Variants in SLC18A1 observed in about 807,000 individuals in gnomAD.
SLC18A1 encodes the protein chromaffin granule amine transporter.
SLC18A1 carries 69 observed loss-of-function variants against 53.7 expected under a neutral mutation model. The observed-to-expected ratio is 1.28, with a 90% CI of 1.06 to 1.57. The LOEUF is 1.57. SLC18A1 is among the 40% of genes most tolerant of loss of function. The pLI, the probability that SLC18A1 is intolerant of heterozygous loss-of-function variation, is 0.00. For missense variants in SLC18A1, 932 were observed against 668.1 expected, an observed-to-expected ratio of 1.40 and a Z score of -4.35; for synonymous variants, 320 against 248.1, an observed-to-expected ratio of 1.29 and a Z score of -2.72.
At chr8:20,178,722 T>G (rs2279709) in intron 3 of SLC18A1, among the ~76,000 whole-genome samples, 77,430 of 151,952 alleles carry the variant, frequency 0.51, 20,233 homozygotes, top group Non-Finnish European at 0.57. Flanking sequence ...TTTCCAGAAA[T>G]GATAGCCTAG....
In SLC18A1 at chr8:20,167,418, G is replaced by T. The variant is rs925926498; in HGVS notation, c.859-2311C>A. 2.6e-5 allele frequency among the ~76,000 whole-genome samples: 4 copies of T among 151,972 alleles called. No individual in the cohort carries two copies. The East Asian group carries it at 7.8e-4, about 30-fold the overall frequency. ...GGTGTTTCACCTATTTGTATAATAG[G>T]GGGAGACAAATTTCTTACTTTGAAA... On this transcript the variant is annotated intron_variant, in intron 8 of 15. Transcript: ENST00000276373.
Position 20,179,418 on chromosome 8 carries a change from C to T in SLC18A1, c.191G>A (p.Gly64Asp). 3 of 1,614,004 alleles carry T rather than the reference C, an allele frequency of 1.9e-6. No individual in the cohort carries two copies. Among genetic ancestry groups the T allele is most frequent in the Non-Finnish European group, 2.5e-6 (3 of 1,180,022 alleles). Residue 64 changes from glycine (G) to aspartate (D), a missense_variant, in exon 3 of 16, where the codon GGC becomes GAC. Gly to Asp is a moderately conservative substitution (Grantham distance 94, BLOSUM62 -1). Transcript: ENST00000276373. ...FKEVNSSLHL[G>D]HAGSSPHALA... ...GGCATGTGGGGAACTTCCGGCATGG[C>T]CGAGGTGCAGAGAAGAGTTGACTTC...
In SLC18A1 at chr8:20,165,036, C is replaced by T. The variant is rs369841458; in HGVS notation, c.919+11G>A. The T allele has an allele frequency of 2.5e-5, 41 of 1,613,958 alleles. No individual in the cohort carries two copies. The highest frequency in any genetic ancestry group is 5.3e-5 in the African/African-American group (4 of 74,888). ...CACTCCCCGCCCAATGGGAGGTCAT[C>T]GCCAGCTTACCTGCAGCCACCAGGA... is the stretch of plus-strand genomic sequence containing the variant. On this transcript the variant is annotated intron_variant, in intron 9 of 15. Transcript: ENST00000276373.
intron 10 of SLC18A1, among the ~76,000 whole-genome samples, chr8:20,155,712 C>G (rs1384555621): frequency 1.3e-5 from 2 of 152,178 alleles, no homozygotes; most frequent in Non-Finnish European, 2.9e-5. Flanking sequence ...CTCCTAGGTA[C>G]TAATGCTTCA....
chr8:20,173,491 C>T (rs2072178485), intron 5 of SLC18A1, among the ~76,000 whole-genome samples: 2 of 152,126 alleles, frequency 1.3e-5, no homozygotes, highest in African/African-American at 2.4e-5. Context: ...CACACAGAGA[C>T]CATTCTATTT....
chr8:20,170,484 C>T (rs2128877056), intron 8 of SLC18A1, among the ~76,000 whole-genome samples: 1 of 152,286 alleles, frequency 6.6e-6, no homozygotes, highest in South Asian at 2.1e-4. Context: ...TTAGATCAAA[C>T]ATTTTTACAC....
chr8:20,156,530 T>C (rs2071686205), intron 10 of SLC18A1, among the ~76,000 whole-genome samples: 1 of 152,206 alleles, frequency 6.6e-6, no homozygotes, highest in Non-Finnish European at 1.5e-5. Context: ...GAAACTCTTG[T>C]AGAAGCAGAG....
chr8:20,164,819 C>A, intron 10 of SLC18A1, 50 bp downstream of exon 10: 3 of 1,430,456 alleles, frequency 2.1e-6, no homozygotes, highest in Non-Finnish European at 2.9e-6. Context: ...GGACTCATGG[C>A]ACCCACCTCC....
At chr8:20,174,213 C>G in intron 5 of SLC18A1, 148 bp downstream of exon 5, 1 of 683,612 alleles carries the variant, frequency 1.5e-6, no homozygotes, top group Non-Finnish European at 2.6e-6. Flanking sequence ...GTGCCCAGCC[C>G]AATTCCCTTA....
chr8:20,155,552 T>C (rs180948486), intron 10 of SLC18A1, among the ~76,000 whole-genome samples: 275 of 152,334 alleles, frequency 1.8e-3, no homozygotes, highest in African/African-American at 6.1e-3. Context: ...AAGATCATGA[T>C]GCAACCAGAA....
At chr8:20,150,014 T>C (rs2071510129) in intron 11 of SLC18A1, among the ~76,000 whole-genome samples, 2 of 152,182 alleles carry the variant, frequency 1.3e-5, no homozygotes. Context: ...GAGGCACTTG[T>C]TCCTTAGAAG....
At position 20,179,324 on chromosome 8, in the gene SLC18A1, G is replaced by A. The variant is rs747537218; in HGVS notation, c.285C>T (p.Ser95=). 5.0e-6 allele frequency: 8 copies of A among 1,614,074 alleles called. No individual in the cohort carries two copies. Among genetic ancestry groups the A allele is most frequent in the East Asian group, 2.2e-5 (1 of 44,884 alleles). Reference sequence around the variant, plus strand: ...TCATCCATGCTATTCCACTAGGTACGCTTTCTTCAACAGCCACGGTGTTGT... The same window carrying A: ...TCATCCATGCTATTCCACTAGGTACACTTTCTTCAACAGCCACGGTGTTGT... The part of the protein sequence containing the change: ...FNNNTVAVEE[S]VPSGIAWMND... The change falls in exon 3 of 16, where the codon AGC becomes AGT. Residue 95 remains serine (S), a synonymous_variant. Transcript: ENST00000276373.
intron 6 of SLC18A1, among the ~76,000 whole-genome samples, 190 bp downstream of exon 6, chr8:20,172,846 C>T (rs1164629737): frequency 6.6e-6 from 1 of 152,204 alleles, no homozygotes; most frequent in Non-Finnish European, 1.5e-5. Context: ...GGACCTTTCT[C>T]CGACGTTTAT....
In SLC18A1 at chr8:20,179,396, A is replaced by G. The variant is rs775200545; in HGVS notation, c.213T>C (p.His71=). 6 of 1,614,060 alleles carry G rather than the reference A, an allele frequency of 3.7e-6. No individual in the cohort carries two copies. The highest frequency in any genetic ancestry group is 5.1e-6 in the Non-Finnish European group (6 of 1,180,004). Residue 71 remains histidine, a synonymous_variant, in exon 3 of 16, where the codon CAT becomes CAC. Coordinates refer to ENST00000276373, the MANE Select transcript of SLC18A1 (RefSeq NM_003053.4). ...LHLGHAGSSP[H]ALASPAFSTI... ...TGGAAAAGGCAGGAGAGGCGAGGGC[A>G]TGTGGGGAACTTCCGGCATGGCCGA...
In SLC18A1 at chr8:20,179,119, A is replaced by T; in HGVS notation, c.488+2T>A. ...TGCGGGGCACTGCACCCAGTGAGAT[A>T]CCTGTTGGTGAGAGGGCCCACGAAT... On this transcript the variant is annotated splice_donor_variant, in intron 3 of 15. Transcript: ENST00000276373. LOFTEE classifies it high-confidence loss of function. The T allele has an allele frequency of 6.2e-7, 1 of 1,608,114 alleles. No individual in the cohort carries two copies. Among genetic ancestry groups the T allele is most frequent in the South Asian group, 1.1e-5 (1 of 90,058 alleles).
chr8:20,161,212 G>T (rs896302032), intron 10 of SLC18A1, among the ~76,000 whole-genome samples: 2 of 152,148 alleles, frequency 1.3e-5, no homozygotes, highest in African/African-American at 4.8e-5. Context: ...TTATGGGTGA[G>T]ATTCAAGGTA....
At chr8:20,174,234 A>G (rs1451399360) in intron 5 of SLC18A1, 127 bp downstream of exon 5, 2 of 753,770 alleles carry the variant, frequency 2.7e-6, no homozygotes, top group South Asian at 1.6e-5. Flanking sequence ...TTTCTGAATC[A>G]CAATTTCTAC....
intron 12 of SLC18A1, 120 bp from the exon 13 acceptor site, chr8:20,148,190 C>A: frequency 2.4e-6 from 2 of 835,046 alleles, no homozygotes; most frequent in Non-Finnish European, 3.9e-6. Flanking sequence ...CATACATCAT[C>A]CTCCTGCACT....
At chr8:20,177,978 C>T (rs939394975) in intron 4 of SLC18A1, among the ~76,000 whole-genome samples, 1 of 152,114 alleles carries the variant, frequency 6.6e-6, no homozygotes, top group African/African-American at 2.4e-5. Flanking sequence ...AAGCAGTAGG[C>T]TTTTTGGAAT....
Sources: gnomAD v4.1 joint callset for allele counts (sites outside exome capture counted in the v4.1 genomes callset) on GRCh38, gnomAD v4.1.1 for gene constraint, MANE v1.5 for transcripts, NCBI Gene and HGNC (gene_info 2026-07-23, HGNC 2026-07-21) for gene names.